Variants in MRTFB observed in about 807,000 individuals in gnomAD.
The protein encoded by MRTFB is myocardin-related transcription factor B.
A neutral mutation model predicts 104.2 loss-of-function variants in MRTFB; 29 were observed. The observed-to-expected ratio is 0.28, with a 90% CI of 0.21 to 0.38. The LOEUF (loss-of-function observed/expected upper bound fraction) is 0.38. Ranked by LOEUF, MRTFB falls within the 10% of genes least tolerant of loss-of-function variation. The pLI is 1.00. For missense variants in MRTFB, 1,270 were observed against 1,341.6 expected (o/e 0.95, Z 0.83); for synonymous variants, 535 against 519.5 (o/e 1.03, Z -0.41).
chr16:14,166,928 G>A (rs2039263655), intron 3 of MRTFB, among the ~76,000 whole-genome samples: 1 of 152,166 alleles, frequency 6.6e-6, no homozygotes, highest in African/African-American at 2.4e-5. Flanking sequence ...CATTTGGGTT[G>A]ATTCCAAGTC....
rs776362770 is a variant in MRTFB, at chr16:14,218,810, C to G, written c.515-10C>G. On this transcript the variant is annotated splice_polypyrimidine_tract_variant and intron_variant, in intron 7 of 16. Coordinates refer to ENST00000571589, the MANE Select transcript of MRTFB (RefSeq NM_001308142.2). ...ACATAAGTCAAGTCAAAAATCATTT[C>G]TTTCTTTAGGCGTTGGGAAGGAGGA... 22 of 1,573,136 alleles carry G rather than the reference C, an allele frequency of 1.4e-5. No individual in the cohort carries two copies. In the South Asian group the frequency reaches 1.5e-4, roughly 11 times the overall value.
At chr16:14,149,156 A>G (rs900571313) in intron 3 of MRTFB, 2 of 152,198 alleles carry the variant, frequency 1.3e-5, no homozygotes, top group African/African-American at 2.4e-5. Flanking sequence ...TAAGATTTTT[A>G]TAATAGCATC....
chr16:14,181,033 A>C (rs1248541472), intron 3 of MRTFB, among the ~76,000 whole-genome samples: 1 of 152,160 alleles, frequency 6.6e-6, no homozygotes, highest in Non-Finnish European at 1.5e-5. Context: ...CTAATTTGTT[A>C]ATCTGTTTAC....
chr16:14,256,005 T>G (rs2043464349), intron 15 of MRTFB, among the ~76,000 whole-genome samples: 1 of 150,726 alleles, frequency 6.6e-6, no homozygotes, highest in Non-Finnish European at 1.5e-5. Flanking sequence ...CCCAGCTACT[T>G]GGGAAGCTAA....
chr16:14,099,946 T>A (rs9939118), intron 2 of MRTFB, among the ~76,000 whole-genome samples: 9,076 of 152,254 alleles, frequency 0.06, 850 homozygotes, highest in African/African-American at 0.2. Flanking sequence ...ATTACAGGTG[T>A]GAGCTGCTGT....
At chr16:14,017,693 A>G in the MRTFB span, among the ~76,000 whole-genome samples, 3,479 of 18,692 alleles carry the variant, frequency 0.19, 534 homozygotes, top group Admixed American at 0.37. Flanking sequence ...GTGTGTATAT[A>G]TATATATATA....
chr16:14,164,254 T>C (rs1192673498), intron 3 of MRTFB, among the ~76,000 whole-genome samples: 5 of 152,348 alleles, frequency 3.3e-5, no homozygotes, highest in Admixed American at 1.3e-4. Flanking sequence ...TATCATTCCG[T>C]TACTCTGTAT....
At chr16:14,234,416 C>T in intron 9 of MRTFB, 133 bp downstream of exon 9, 1 of 1,053,578 alleles carries the variant, frequency 9.5e-7, no homozygotes, top group South Asian at 2.0e-5. Context: ...AAAAACTAAG[C>T]CATGCAAAGA....
At chr16:14,030,813 C>T in the MRTFB span, among the ~76,000 whole-genome samples, 33 of 152,208 alleles carry the variant, frequency 2.2e-4, no homozygotes, top group Non-Finnish European at 4.1e-4. Context: ...AGCTGATTAT[C>T]CAAGGTTATG....
At chr16:14,118,223 A>C (rs1035989554) in intron 2 of MRTFB, among the ~76,000 whole-genome samples, 1 of 137,608 alleles carries the variant, frequency 7.3e-6, no homozygotes, top group African/African-American at 2.8e-5. Flanking sequence ...TGCCCCCTCC[A>C]CCTCCCAGGC....
rs945095847 is a variant in MRTFB, at chr16:14,089,817, C to T, written c.-64+10463C>T. Among the ~76,000 whole-genome samples the T allele has an allele frequency of 3.9e-5, 6 of 152,148 alleles. No individual in the cohort carries two copies. The South Asian group carries it at 6.2e-4, about 16-fold the overall frequency. ...AACACTTTTCCATGATTGTGTTTTT[C>T]GTAGTAGCCATCCTAATGAATGTGA... On this transcript the variant is annotated intron_variant, in intron 2 of 16. Transcript: ENST00000571589.
intron 2 of MRTFB, among the ~76,000 whole-genome samples, chr16:14,123,559 T>C (rs1259020980): frequency 6.6e-6 from 1 of 152,180 alleles, no homozygotes; most frequent in Non-Finnish European, 1.5e-5. Flanking sequence ...ATTGCTTGTT[T>C]GTATAGGTTT....
the MRTFB span, among the ~76,000 whole-genome samples, chr16:14,021,950 T>C: frequency 2.0e-5 from 3 of 152,182 alleles, no homozygotes; most frequent in African/African-American, 4.8e-5. Context: ...GTGGGACTGC[T>C]GGATCAAATG....
intron 3 of MRTFB, among the ~76,000 whole-genome samples, chr16:14,175,052 T>C (rs1411327447): frequency 1.3e-5 from 2 of 152,204 alleles, no homozygotes; most frequent in African/African-American, 4.8e-5. Flanking sequence ...AAATTTCTCT[T>C]GCATTAAAGT....
chr16:14,213,352 T>G (rs1567175370), intron 5 of MRTFB, among the ~76,000 whole-genome samples, 193 bp from the exon 6 acceptor site: 1 of 152,202 alleles, frequency 6.6e-6, no homozygotes, highest in Non-Finnish European at 1.5e-5. Flanking sequence ...ACTCTTCAAG[T>G]CTGTGTACAA....
At chr16:14,023,610 C>CATATACATATACATATACATATACAT in the MRTFB span, among the ~76,000 whole-genome samples, 8 of 106,976 alleles carry the variant, frequency 7.5e-5, no homozygotes, top group South Asian at 1.3e-3. Flanking sequence ...CACACACACA[C>CATATACATATACATATACATATACAT]ATACATATAC....
chr16:14,017,716 T>A, the MRTFB span, among the ~76,000 whole-genome samples: 287 of 28,082 alleles, frequency 0.01, 13 homozygotes, highest in Non-Finnish European at 0.012. Flanking sequence ...TATATATTTT[T>A]TTTTTTTTTT....
At chr16:14,012,455 C>T in the MRTFB span, among the ~76,000 whole-genome samples, 4 of 151,644 alleles carry the variant, frequency 2.6e-5, no homozygotes, top group African/African-American at 4.8e-5. Flanking sequence ...CCTGCCACCA[C>T]GCCTGGCTAA....
chr16:14,131,324 T>A (rs148015509), intron 2 of MRTFB, among the ~76,000 whole-genome samples: 1 of 152,298 alleles, frequency 6.6e-6, no homozygotes, highest in African/African-American at 2.4e-5. Context: ...AGTTAAACTG[T>A]TTTTTAGCTA....
Sources: allele counts gnomAD v4.1 joint callset (sites outside exome capture counted in the v4.1 genomes callset), GRCh38; gene constraint gnomAD v4.1.1; transcripts MANE v1.5; gene names NCBI Gene and HGNC (gene_info 2026-07-23, HGNC 2026-07-21).